SCAMP1: variants seen among roughly 807,000 people sequenced by gnomAD.
SCAMP1 encodes the protein secretory carrier-associated membrane protein 1.
In SCAMP1, 15 loss-of-function variants were observed where a neutral mutation model predicts 41.8. The observed-to-expected ratio is 0.36, with a 90% CI of 0.24 to 0.55. SCAMP1 has a LOEUF of 0.55. SCAMP1 is among the 20% of genes least tolerant of loss of function. The pLI, the probability that SCAMP1 is intolerant of heterozygous loss-of-function variation, is 0.86. For synonymous variants in SCAMP1, 135 were observed against 136.8 expected (o/e 0.99, Z 0.09); for missense variants, 341 against 412.6 (o/e 0.83, Z 1.50).
chr5:78,460,820 C>CCTTCCTTCTTTCTTTCTTTCTTT lies in SCAMP1; in HGVS notation c.852+1461_852+1462insCCTTCTTTCTTTCTTTCTTTCTT, dbSNP rs1580715544. Among the ~76,000 whole-genome samples the CCTTCCTTCTTTCTTTCTTTCTTT allele has an allele frequency of 3.9e-4, 11 of 28,238 alleles. 1 individual carries two copies. Among genetic ancestry groups the CCTTCCTTCTTTCTTTCTTTCTTT allele is most frequent in the African/African-American group, 5.1e-4 (6 of 11,830 alleles). The allele number at this position is 28,238 out of a possible 152,430, so 18.5% of individuals were successfully genotyped here. A position where few individuals can be genotyped will look rare whatever the true frequency, so the allele number is the denominator to read the frequency against. ...TCCTTCCTTCCTCCCTTCCTTCCTTCCTTTCTTGTCTTTCCTCTATCTGTC... is the reference window on the plus strand; with the variant it reads ...TCCTTCCTTCCTCCCTTCCTTCCTTCCTTCCTTCTTTCTTTCTTTCTTTCTTTCTTGTCTTTCCTCTATCTGTC... On this transcript the variant is annotated intron_variant, in intron 8 of 8. Transcript: ENST00000621999.
intron 6 of SCAMP1, among the ~76,000 whole-genome samples, chr5:78,431,289 T>C (rs913398758): frequency 1.3e-5 from 2 of 151,814 alleles, no homozygotes; most frequent in Non-Finnish European, 2.9e-5. Context: ...TTTTTTTTTT[T>C]TTTAGCATTT....
chr5:78,430,789 GA>G (rs1340193478), intron 6 of SCAMP1, among the ~76,000 whole-genome samples: 3 of 152,112 alleles, frequency 2.0e-5, no homozygotes, highest in Non-Finnish European at 4.4e-5. Context: ...AGTTTGCAGT[GA>G]ATCCAGGTAC....
intron 2 of SCAMP1, among the ~76,000 whole-genome samples, chr5:78,395,506 A>G (rs1751628599): frequency 6.6e-6 from 1 of 152,250 alleles, no homozygotes; most frequent in African/African-American, 2.4e-5. Flanking sequence ...GAGTTCAGAT[A>G]CAGCATTACT....
intron 1 of SCAMP1, among the ~76,000 whole-genome samples, chr5:78,365,508 A>C (rs1561247420): frequency 6.7e-6 from 1 of 149,880 alleles, no homozygotes; most frequent in Non-Finnish European, 1.5e-5. Flanking sequence ...AGTTCTGTTT[A>C]ATAATCTCTA....
intron 1 of SCAMP1, among the ~76,000 whole-genome samples, chr5:78,369,672 AAG>A (rs1046504279): frequency 6.6e-6 from 1 of 152,232 alleles, no homozygotes; most frequent in Non-Finnish European, 1.5e-5. Flanking sequence ...TTTTTTAAAA[AAG>A]GCAATATCTG....
At position 78,476,954 on chromosome 5, in the gene SCAMP1, G is replaced by A. The variant is rs1206961870; in HGVS notation, c.*1286G>A. Reference sequence around the variant, plus strand: ...CAACCTTTGAATCAATTTTACCACTGATTAAATAAATGACTCAAAGACATC... The same window carrying A: ...CAACCTTTGAATCAATTTTACCACTAATTAAATAAATGACTCAAAGACATC... On this transcript the variant is annotated 3_prime_UTR_variant, in exon 9 of 9. Coordinates refer to ENST00000621999, the MANE Select transcript of SCAMP1 (RefSeq NM_004866.6). 6.6e-6 allele frequency: 1 copy of A among 152,076 alleles called. No individual in the cohort carries two copies. The highest frequency in any genetic ancestry group is 1.5e-5 in the Non-Finnish European group (1 of 67,972). The allele number at this position is 152,076 out of a possible 1,614,324, so 9.4% of individuals were successfully genotyped here.
intron 2 of SCAMP1, among the ~76,000 whole-genome samples, chr5:78,397,098 A>G (rs1380499276): frequency 6.6e-6 from 1 of 152,180 alleles, no homozygotes; most frequent in Non-Finnish European, 1.5e-5. Flanking sequence ...AAGTTTTGTT[A>G]TAGTTACAGT....
intron 1 of SCAMP1, among the ~76,000 whole-genome samples, chr5:78,381,631 C>T (rs528017657): frequency 6.6e-6 from 1 of 152,260 alleles, no homozygotes; most frequent in African/African-American, 2.4e-5. Context: ...TGGAGGGGAA[C>T]CCTGGGAAAG....
At chr5:78,462,805 T>A (rs1469780587) in intron 8 of SCAMP1, among the ~76,000 whole-genome samples, 1 of 152,228 alleles carries the variant, frequency 6.6e-6, no homozygotes, top group Non-Finnish European at 1.5e-5. Flanking sequence ...TATTTAAAGT[T>A]TTATTTTGTC....
intron 2 of SCAMP1, among the ~76,000 whole-genome samples, chr5:78,402,319 GT>G (rs1454261039): frequency 6.6e-6 from 1 of 151,654 alleles, no homozygotes; most frequent in Non-Finnish European, 1.5e-5. Flanking sequence ...GTTGATAGGT[GT>G]TAATTATATC....
intron 6 of SCAMP1, among the ~76,000 whole-genome samples, chr5:78,427,197 G>C (rs1421989600): frequency 6.6e-6 from 1 of 152,216 alleles, no homozygotes; most frequent in Non-Finnish European, 1.5e-5. Context: ...AAAGCAAACG[G>C]GAGCAGATGT....
At chr5:78,457,496 CG>C (rs1171254806) in intron 7 of SCAMP1, among the ~76,000 whole-genome samples, 9 of 152,068 alleles carry the variant, frequency 5.9e-5, no homozygotes, top group Non-Finnish European at 1.2e-4. Flanking sequence ...TTAGGCTGCT[CG>C]GGGGTCAGGG....
chr5:78,450,121 C>A, intron 7 of SCAMP1, 87 bp downstream of exon 7: 4 of 704,556 alleles, frequency 5.7e-6, no homozygotes, highest in South Asian at 1.9e-5. Flanking sequence ...CACAGATAAA[C>A]CAGATTAGAA....
chr5:78,426,617 A>G (rs144938446), intron 6 of SCAMP1, among the ~76,000 whole-genome samples: 43 of 152,292 alleles, frequency 2.8e-4, no homozygotes, highest in East Asian at 1.5e-3. Context: ...GCCCAATTCA[A>G]TGATTTTTAA....
chr5:78,449,799 T>A, intron 6 of SCAMP1, 134 bp from the exon 7 acceptor site: 1 of 553,174 alleles, frequency 1.8e-6, no homozygotes, highest in Non-Finnish European at 3.1e-6. Context: ...GTTGCCACTT[T>A]TTTTTGTTTG....
chr5:78,423,237 G>C (rs1752384065), intron 6 of SCAMP1, among the ~76,000 whole-genome samples: 1 of 152,142 alleles, frequency 6.6e-6, no homozygotes, highest in Non-Finnish European at 1.5e-5. Context: ...TGGGAGAAGG[G>C]AAAGGAGAAA....
intron 1 of SCAMP1, among the ~76,000 whole-genome samples, chr5:78,366,897 G>A (rs867386743): frequency 3.3e-5 from 5 of 149,262 alleles, no homozygotes; most frequent in African/African-American, 7.4e-5. Context: ...GAGGCGGGAG[G>A]GTGACAGAGT....
chr5:78,430,128 TATTTATAAATACA>T (rs1752571841), intron 6 of SCAMP1, among the ~76,000 whole-genome samples: 1 of 62,410 alleles, frequency 1.6e-5, no homozygotes, highest in African/African-American at 5.5e-5. Flanking sequence ...ATACAGTATT[TATTTATAAATACA>T]GTATTTATTT....
chr5:78,453,649 G>A (rs1753302360), intron 7 of SCAMP1, among the ~76,000 whole-genome samples: 1 of 152,118 alleles, frequency 6.6e-6, no homozygotes, highest in African/African-American at 2.4e-5. Flanking sequence ...TTTTGGCTTA[G>A]GATAGCCTTG....
Sources: allele counts gnomAD v4.1 joint callset (sites outside exome capture counted in the v4.1 genomes callset), GRCh38; gene constraint gnomAD v4.1.1; transcripts MANE v1.5; gene names NCBI Gene and HGNC (gene_info 2026-07-23, HGNC 2026-07-21).